YBEY: variants seen among roughly 807,000 people sequenced by gnomAD.
The protein encoded by YBEY is endoribonuclease YbeY.
A neutral mutation model predicts 13.5 loss-of-function variants in YBEY; 15 were observed. The ratio of observed to expected loss-of-function variants is 1.11; its 90% CI spans 0.75 to 1.72. YBEY has a LOEUF of 1.72. YBEY is among the 40% of genes most tolerant of loss of function. The probability of loss-of-function intolerance (pLI) is 0.00; values close to 1 mark genes in which losing one functional copy is unlikely to be tolerated. For missense variants in YBEY, 244 were observed against 208.4 expected, an observed-to-expected ratio of 1.17 and a Z score of -1.05; for synonymous variants, 101 against 83.1, an observed-to-expected ratio of 1.21 and a Z score of -1.17.
At chr21:46,296,996 CAAAAA>C (rs1351873966) in intron 4 of YBEY, among the ~76,000 whole-genome samples, 2 of 137,304 alleles carry the variant, frequency 1.5e-5, no homozygotes, top group African/African-American at 5.5e-5. Flanking sequence ...AAGTCCGTCT[CAAAAA>C]GAAAAAGAAA....
downstream of YBEY, chr21:46,301,003 G>A (rs1371036370): frequency 4.5e-6 from 4 of 892,936 alleles, no homozygotes; most frequent in Non-Finnish European, 4.3e-6. Flanking sequence ...CCACTGCCCA[G>A]CACTCACCTT....
At chr21:46,294,606 G>A (rs1268490184) in intron 3 of YBEY, among the ~76,000 whole-genome samples, 1 of 74,720 alleles carries the variant, frequency 1.3e-5, no homozygotes, top group Admixed American at 1.2e-4. Context: ...ACCCGTGCCC[G>A]GGACTCAGTG....
At chr21:46,292,197 T>G (rs1010103520) in intron 3 of YBEY, 9 of 152,230 alleles carry the variant, frequency 5.9e-5, no homozygotes, top group African/African-American at 2.2e-4. Flanking sequence ...AAAAGACCAT[T>G]CTTAGGTTGT....
chr21:46,309,354 T>G, the YBEY span, among the ~76,000 whole-genome samples: 29 of 150,016 alleles, frequency 1.9e-4, 1 homozygote, highest in South Asian at 5.7e-3. Context: ...CCCAGCTACT[T>G]GGGAGGCTGA....
At chr21:46,304,034 T>G in the YBEY span, among the ~76,000 whole-genome samples, 9 of 119,130 alleles carry the variant, frequency 7.6e-5, no homozygotes, top group East Asian at 1.4e-3. Context: ...TTTTTTTTTT[T>G]TTTTTTTTTT....
downstream of YBEY, chr21:46,302,080 G>GTGT (rs2145881279): frequency 1.3e-6 from 2 of 1,532,686 alleles, no homozygotes; most frequent in Non-Finnish European, 1.8e-6. Flanking sequence ...CATGGTGGTG[G>GTGT]TGGTGGTGGT....
At chr21:46,287,695 AAAAG>A (rs2081516542) in intron 2 of YBEY, among the ~76,000 whole-genome samples, 2 of 150,854 alleles carry the variant, frequency 1.3e-5, no homozygotes, top group Admixed American at 6.6e-5. Flanking sequence ...CCCAGCAGGA[AAAAG>A]AAAGGTGACA....
At chr21:46,288,694 AAAG>A (rs1448696782) in intron 2 of YBEY, among the ~76,000 whole-genome samples, 5 of 151,666 alleles carry the variant, frequency 3.3e-5, no homozygotes, top group Non-Finnish European at 5.9e-5. Context: ...AAAAAAAAAA[AAAG>A]AAGAAAAGAA....
chr21:46,303,739 A>T, the YBEY span, among the ~76,000 whole-genome samples: 308 of 28,010 alleles, frequency 0.011, 2 homozygotes, highest in Non-Finnish European at 0.017. Context: ...ATATATATAT[A>T]TATATATTTT....
rs770154128 is a variant in YBEY at position 46,291,487 on chromosome 21, T to A, written c.339+25T>A. 38 of 1,612,620 alleles carry A rather than the reference T, an allele frequency of 2.4e-5. No homozygotes were observed. In the East Asian group the frequency reaches 8.5e-4, roughly 36 times the overall value. ...TGTAAGCGGGGATGCTGAAATCATA[T>A]AACCTGGCTCATGGAACATGGGCCT... On this transcript the variant is annotated intron_variant, in intron 3 of 4. Coordinates refer to ENST00000397701, the MANE Select transcript of YBEY (RefSeq NM_001314025.2).
rs1320821631 is a variant in YBEY, at chr21:46,286,873, C to G, written c.-41C>G. 6.2e-7 allele frequency: 1 copy of G among 1,601,252 alleles called. No homozygotes were observed. Among genetic ancestry groups the G allele is most frequent in the Non-Finnish European group, 8.5e-7 (1 of 1,169,616 alleles). ...TTCTCTTACACTTTAACCCCAGGTT[C>G]CGTTGCAAACATTTTTAAAGGGCTG... is the stretch of plus-strand genomic sequence containing the variant. On this transcript the variant is annotated 5_prime_UTR_variant, in exon 2 of 5. Coordinates refer to ENST00000397701, the MANE Select transcript of YBEY (RefSeq NM_001314025.2).
At chr21:46,311,519 G>C in the YBEY span, 4 of 1,612,706 alleles carry the variant, frequency 2.5e-6, no homozygotes, top group East Asian at 8.9e-5. Context: ...TGTGCTATGA[G>C]TGGCTGCTGA....
downstream of YBEY, chr21:46,301,357 G>T: frequency 2.1e-6 from 1 of 478,506 alleles, no homozygotes; most frequent in Non-Finnish European, 2.7e-6. Context: ...ATGTGACCCA[G>T]GCTGGTCTCG....
rs530846715 is a variant in YBEY at position 46,287,125 on chromosome 21, T to TTAAAAAA, written c.210+2_210+3insTAAAAAA. 2.3e-5 allele frequency: 35 copies of TTAAAAAA among 1,508,924 alleles called. No individual in the cohort carries two copies. Among genetic ancestry groups the TTAAAAAA allele is most frequent in the South Asian group, 2.2e-4 (18 of 80,522 alleles). The allele number at this position is 1,508,924 out of a possible 1,614,324, so 93.5% of individuals were successfully genotyped here. On this transcript the variant is annotated splice_region_variant and intron_variant, in intron 2 of 4. Coordinates refer to ENST00000397701, the MANE Select transcript of YBEY (RefSeq NM_001314025.2). ...GTGCTTTCTTTTCCATTTCATGAGG[T>TTAAAAAA]AAAAAAAAAATGTTCCTCTTCTTGT...
Position 46,291,398 on chromosome 21 carries a change from TC to T in YBEY, c.277del (p.Leu93Ter). 3 of 1,614,142 alleles carry T rather than the reference TC, an allele frequency of 1.9e-6. No homozygotes were observed. Among genetic ancestry groups the T allele is most frequent in the Non-Finnish European group, 2.5e-6 (3 of 1,180,020 alleles). The stretch of plus-strand genomic sequence containing the variant: ...GATGACTACAATTTGGGAGACATTT[TC>T]CTAGGAGTGGAGTATATCTTCCATC... Reference protein sequence around the residue: ...FPDDYNLGDIFLGVEYIFHQC... With the variant: ...FPDDYNLGDIXLGVEYIFHQC... On this transcript the variant is annotated frameshift_variant, in exon 3 of 5. Transcript: ENST00000397701. LOFTEE classifies it high-confidence loss of function.
chr21:46,297,326 T>C (rs891144899), intron 4 of YBEY, among the ~76,000 whole-genome samples: 5 of 145,288 alleles, frequency 3.4e-5, no homozygotes, highest in African/African-American at 1.3e-4. Context: ...AGGCCCCGCT[T>C]ATTCTCCCGG....
In YBEY at chr21:46,287,074, A is replaced by G; in HGVS notation, c.161A>G (p.Tyr54Cys). Residue 54 changes from tyrosine (Y) to cysteine (C), a missense_variant, in exon 2 of 5, where the codon TAC becomes TGC. Transcript: ENST00000397701. ...NKNIQHINRI[Y>C]RDRNVPTDVL... ...AATATTCAGCACATTAATAGAATCT[A>G]CAGAGATAGAAATGTCCCAACCGAT... is the stretch of plus-strand genomic sequence containing the variant. 2.5e-6 allele frequency: 4 copies of G among 1,614,016 alleles called. No individual in the cohort carries two copies. Among genetic ancestry groups the G allele is most frequent in the Non-Finnish European group, 3.4e-6 (4 of 1,180,000 alleles).
At chr21:46,287,278 C>T (rs972199584) in intron 2 of YBEY, among the ~76,000 whole-genome samples, 155 bp downstream of exon 2, 1 of 152,172 alleles carries the variant, frequency 6.6e-6, no homozygotes, top group Admixed American at 6.5e-5. Flanking sequence ...TCACTGCAAC[C>T]TCCCTTCCTG....
chr21:46,308,399 C>T, the YBEY span, among the ~76,000 whole-genome samples: 3 of 151,838 alleles, frequency 2.0e-5, no homozygotes, highest in Non-Finnish European at 4.4e-5. Context: ...AGGCAGAGGC[C>T]GCGGTGAGCC....
Sources: gnomAD v4.1 joint callset for allele counts (sites outside exome capture counted in the v4.1 genomes callset) on GRCh38, gnomAD v4.1.1 for gene constraint, MANE v1.5 for transcripts, NCBI Gene and HGNC (gene_info 2026-07-23, HGNC 2026-07-21) for gene names.